HERC4: variants seen among roughly 807,000 people sequenced by gnomAD.
The protein encoded by HERC4 is HECT and RLD domain containing E3 ubiquitin protein ligase 4.
HERC4 carries 28 observed loss-of-function variants against 124.3 expected under a neutral mutation model. The observed-to-expected ratio is 0.23, with a 90% confidence interval of 0.17 to 0.31. The LOEUF is 0.31. Among genes scored for constraint, HERC4 ranks in the 10% least tolerant of loss-of-function variants. HERC4 has a pLI of 1.00. For synonymous variants in HERC4, 407 were observed against 421.5 expected (o/e 0.97, Z 0.42); for missense variants, 713 against 1,229.3 (o/e 0.58, Z 6.28).
intron 16 of HERC4, chr10:67,959,101 C>T (rs2034331537): frequency 6.3e-7 from 1 of 1,596,922 alleles, no homozygotes; most frequent in Non-Finnish European, 8.5e-7. Context: ...AGCTTTATTA[C>T]ACCAAACTTA....
intron 16 of HERC4, among the ~76,000 whole-genome samples, chr10:67,958,209 C>T (rs1299946945): frequency 6.6e-6 from 1 of 152,146 alleles, no homozygotes; most frequent in Admixed American, 6.6e-5. Flanking sequence ...ATCATGCTCT[C>T]CCTAAATTGT....
In HERC4 at chr10:68,025,891, A is replaced by G. The variant is rs560777202; in HGVS notation, c.778-215T>C. Among the ~76,000 whole-genome samples, 131 of 152,326 alleles carry G rather than the reference A, an allele frequency of 8.6e-4. 1 individual carries two copies. Among genetic ancestry groups the G allele is most frequent in the African/African-American group, 2.7e-3 (113 of 41,580 alleles). On this transcript the variant is annotated intron_variant, in intron 7 of 24. Transcript: ENST00000373700. ...ATGTTTTCACCGTTATAAAATATTT[A>G]GACACTGAAGAGATACAAATAATTA...
At chr10:67,963,135 T>A (rs1323774676) in intron 16 of HERC4, among the ~76,000 whole-genome samples, 1 of 152,232 alleles carries the variant, frequency 6.6e-6, no homozygotes, top group Non-Finnish European at 1.5e-5. Flanking sequence ...TCATACATAT[T>A]TATGTTGTGA....
intron 3 of HERC4, among the ~76,000 whole-genome samples, chr10:68,050,992 T>C (rs1023354818): frequency 6.6e-6 from 1 of 151,702 alleles, no homozygotes; most frequent in Non-Finnish European, 1.5e-5. Context: ...TTCCAGGTAC[T>C]ATCACCAAAG....
At chr10:67,969,677 G>T (rs1030290722) in intron 15 of HERC4, among the ~76,000 whole-genome samples, 2 of 152,224 alleles carry the variant, frequency 1.3e-5, no homozygotes, top group African/African-American at 2.4e-5. Flanking sequence ...TGGGAGGAAA[G>T]GTGACAAGAA....
chr10:67,969,735 T>C (rs142118011), intron 15 of HERC4, among the ~76,000 whole-genome samples: 390 of 152,098 alleles, frequency 2.6e-3, no homozygotes, highest in African/African-American at 9.0e-3. Flanking sequence ...AGGTCTGCAA[T>C]TGCTGGGGGA....
At chr10:68,027,155 G>A (rs1015659768) in intron 7 of HERC4, among the ~76,000 whole-genome samples, 1 of 152,112 alleles carries the variant, frequency 6.6e-6, no homozygotes, top group African/African-American at 2.4e-5. Context: ...AGCTATATAT[G>A]CAACTTTATA....
At chr10:67,948,427 T>G (rs2033551132) in intron 19 of HERC4, among the ~76,000 whole-genome samples, 1 of 151,654 alleles carries the variant, frequency 6.6e-6, no homozygotes, top group Admixed American at 6.6e-5. Flanking sequence ...GAAAAACTGC[T>G]CAATATCACT....
chr10:68,065,533 T>C (rs2041257314), intron 3 of HERC4, among the ~76,000 whole-genome samples: 1 of 151,954 alleles, frequency 6.6e-6, no homozygotes, highest in African/African-American at 2.4e-5. Flanking sequence ...GTTTAAAGAA[T>C]AAGCCACCGA....
intron 3 of HERC4, among the ~76,000 whole-genome samples, chr10:68,048,446 A>G (rs777981447): frequency 6.6e-6 from 1 of 152,204 alleles, no homozygotes; most frequent in Non-Finnish European, 1.5e-5. Flanking sequence ...ACTATATGAC[A>G]AGCTGGAAAA....
At chr10:68,015,466 T>C (rs934721743) in intron 8 of HERC4, among the ~76,000 whole-genome samples, 1 of 152,204 alleles carries the variant, frequency 6.6e-6, no homozygotes, top group African/African-American at 2.4e-5. Context: ...ACTAATACAT[T>C]ACCCAGATTG....
At chr10:67,984,575 A>C (rs2036149177) in intron 15 of HERC4, among the ~76,000 whole-genome samples, 1 of 151,838 alleles carries the variant, frequency 6.6e-6, no homozygotes, top group South Asian at 2.1e-4. Flanking sequence ...AAAAAAAATG[A>C]GTAAGACCTA....
chr10:68,010,803 G>A, intron 9 of HERC4: 1 of 1,524,456 alleles, frequency 6.6e-7, no homozygotes, highest in East Asian at 2.3e-5. Flanking sequence ...GCATATCCCA[G>A]GGTGATCCTC....
chr10:68,028,249 T>TAA (rs536531727), intron 7 of HERC4, among the ~76,000 whole-genome samples: 1 of 142,934 alleles, frequency 7.0e-6, no homozygotes. Flanking sequence ...ATTGACCAGT[T>TAA]AAAAAAAAAA....
intron 9 of HERC4, chr10:68,010,160 C>G: frequency 1.1e-6 from 1 of 946,304 alleles, no homozygotes; most frequent in Non-Finnish European, 1.6e-6. Context: ...CTTTCCCTAG[C>G]TTCCGCCCTC....
chr10:68,005,635 T>C (rs1244902620), intron 9 of HERC4, among the ~76,000 whole-genome samples: 1 of 152,148 alleles, frequency 6.6e-6, no homozygotes. Flanking sequence ...TCTTCCTTTT[T>C]GTGAATGTGA....
intron 19 of HERC4, 191 bp downstream of exon 19, chr10:67,954,404 T>C (rs577478058): frequency 5.0e-6 from 2 of 397,782 alleles, no homozygotes; most frequent in Admixed American, 4.4e-5. Context: ...TAATTTAAAA[T>C]GTGTGGTAAG....
chr10:68,072,837 G>T, intron 3 of HERC4, 46 bp downstream of exon 3: 1 of 1,286,528 alleles, frequency 7.8e-7, no homozygotes, highest in Non-Finnish European at 1.1e-6. Flanking sequence ...AATTTAAAAT[G>T]ATATAATTAT....
intron 21 of HERC4, among the ~76,000 whole-genome samples, chr10:67,938,364 C>T (rs1470300700): frequency 6.6e-6 from 1 of 150,400 alleles, no homozygotes; most frequent in African/African-American, 2.5e-5. Context: ...TTGCTTGAAC[C>T]TGGGAGGCGG....
Sources: allele counts gnomAD v4.1 joint callset (sites outside exome capture counted in the v4.1 genomes callset), GRCh38; gene constraint gnomAD v4.1.1; transcripts MANE v1.5; gene names NCBI Gene and HGNC (gene_info 2026-07-23, HGNC 2026-07-21).